TMPRSS4: variants seen among roughly 807,000 people sequenced by gnomAD.
TMPRSS4 encodes the protein transmembrane serine protease 4, also known as transmembrane protease serine 4.
TMPRSS4 carries 45 observed loss-of-function variants against 56.4 expected under a neutral mutation model. That is an observed-to-expected ratio of 0.80 (90% CI 0.63 to 1.02). The LOEUF is 1.02. Ranked by LOEUF, TMPRSS4 falls within the 50% of genes least tolerant of loss-of-function variation. The probability of loss-of-function intolerance (pLI) is 0.00; values close to 1 mark genes in which losing one functional copy is unlikely to be tolerated. For synonymous variants in TMPRSS4, 205 were observed against 211.0 expected (o/e 0.97, Z 0.25); for missense variants, 546 against 556.7 (o/e 0.98, Z 0.19).
chr11:118,080,922 T>TTCCC (rs1945077436), intron 1 of TMPRSS4, among the ~76,000 whole-genome samples: 1 of 152,204 alleles, frequency 6.6e-6, no homozygotes, highest in Non-Finnish European at 1.5e-5. Flanking sequence ...CAAGCAAGGA[T>TTCCC]TCCCTGGGAC....
chr11:118,118,406 G>A lies in TMPRSS4; in HGVS notation c.*493G>A, dbSNP rs1591417712. ...ACTACCGTTACCTACTGTTGTCATT[G>A]TTATTACAGCTATGGCCACTATTAT... On this transcript the variant is annotated 3_prime_UTR_variant, in exon 13 of 13. Transcript: ENST00000437212. The A allele has an allele frequency of 9.1e-6, 9 of 993,560 alleles. No individual in the cohort carries two copies. In the South Asian group the frequency reaches 3.7e-4, roughly 41 times the overall value. 61.5% of individuals were successfully genotyped at this position (993,560 alleles called of 1,614,324 possible).
intron 6 of TMPRSS4, chr11:118,108,105 T>C: frequency 1.9e-6 from 1 of 518,418 alleles, no homozygotes; most frequent in Non-Finnish European, 3.5e-6. Flanking sequence ...ACAAAGTGTG[T>C]TGTCCTACTC....
Position 118,114,908 on chromosome 11 carries a change from C to T in TMPRSS4, c.990C>T (p.Gly330=), listed in dbSNP as rs368846716. The T allele has an allele frequency of 6.2e-7, 1 of 1,604,082 alleles. No homozygotes were observed. The highest frequency in any genetic ancestry group is 2.2e-5 in the East Asian group (1 of 44,776). Residue 330 remains glycine (G), a synonymous_variant, in exon 10 of 13, where the codon GGC becomes GGT. Transcript: ENST00000437212. ...CCCCACTCTGGATCATTGGATGGGG[C>T]TTTACGAAGCAGAATGGAGGTAAGT... ...PATPLWIIGW[G]FTKQNGGKMS...
chr11:118,105,502 GA>G (rs1269536257), intron 5 of TMPRSS4: 1 of 152,108 alleles, frequency 6.6e-6, no homozygotes, highest in Non-Finnish European at 1.5e-5. Context: ...TACTAGCTGG[GA>G]GGTAGAGGGC....
intron 1 of TMPRSS4, among the ~76,000 whole-genome samples, chr11:118,078,108 T>TTTTAC (rs1944832129): frequency 6.6e-6 from 1 of 151,622 alleles, no homozygotes; most frequent in African/African-American, 2.4e-5. Flanking sequence ...TGTGGTCATC[T>TTTTAC]TTTACTTGGT....
rs780924915 is a variant in TMPRSS4, at chr11:118,103,132, C to T, written c.189C>T (p.Leu63=). The T allele has an allele frequency of 5.6e-6, 9 of 1,614,232 alleles. No homozygotes were observed. ...IKVILDKYYF[L]CGQPLHFIPR... ...TGATTCTGGATAAATACTACTTCCT[C>T]TGCGGGCAGCCTCTCCACTTCATCC... Residue 63 remains leucine (L), a synonymous_variant, in exon 4 of 13, where the codon CTC becomes CTT. Coordinates refer to ENST00000437212, the MANE Select transcript of TMPRSS4 (RefSeq NM_019894.4).
Position 118,117,966 on chromosome 11 carries a change from C to G in TMPRSS4, c.*53C>G, listed in dbSNP as rs1947649853. On this transcript the variant is annotated 3_prime_UTR_variant, in exon 13 of 13. Coordinates refer to ENST00000437212, the MANE Select transcript of TMPRSS4 (RefSeq NM_019894.4). ...GCCGCTTCCTTCCTGCCCTGCCCAC[C>G]TGGGGATCCCCCAAAGTCAGACACA... The G allele has an allele frequency of 2.5e-6, 4 of 1,611,928 alleles. No homozygotes were observed. The highest frequency in any genetic ancestry group is 3.4e-6 in the Non-Finnish European group (4 of 1,179,968).
At chr11:118,081,676 G>A (rs563420703) in intron 1 of TMPRSS4, among the ~76,000 whole-genome samples, 2 of 152,348 alleles carry the variant, frequency 1.3e-5, no homozygotes, top group South Asian at 2.1e-4. Context: ...GCTGGGCGTC[G>A]CCCGCTGGTG....
chr11:118,106,275 A>G (rs1232479065), intron 5 of TMPRSS4: 1 of 152,194 alleles, frequency 6.6e-6, no homozygotes, highest in Non-Finnish European at 1.5e-5. Flanking sequence ...CTTGTGCTTC[A>G]CAAAATCAAA....
chr11:118,111,968 C>T, intron 8 of TMPRSS4, 68 bp downstream of exon 8: 2 of 1,562,210 alleles, frequency 1.3e-6, no homozygotes, highest in Non-Finnish European at 8.6e-7. Flanking sequence ...GCTTGGGGTC[C>T]TGTCTCCTGG....
At chr11:118,096,822 AGAGAGAAAGAAAGAAGGAAAGAAG>A (rs1360479949) in intron 2 of TMPRSS4, among the ~76,000 whole-genome samples, 1 of 13,648 alleles carries the variant, frequency 7.3e-5, no homozygotes, top group African/African-American at 2.4e-4. Context: ...AAAGAAAGAA[AGAGAGAAAGAAAGAAGGAAAGAAG>A]GAAAGAAAGA....
At chr11:118,124,481 G>A (rs973867586), downstream of TMPRSS4, among the ~76,000 whole-genome samples, 2 of 152,216 alleles carry the variant, frequency 1.3e-5, no homozygotes, top group East Asian at 3.8e-4. Context: ...GTCAATGAGT[G>A]TGAAATCTAG....
intron 2 of TMPRSS4, among the ~76,000 whole-genome samples, chr11:118,096,381 C>T (rs771650717): frequency 6.6e-6 from 1 of 152,174 alleles, no homozygotes; most frequent in Non-Finnish European, 1.5e-5. Context: ...TCATTGGGCG[C>T]CAATCTCTAG....
downstream of TMPRSS4, among the ~76,000 whole-genome samples, chr11:118,124,858 C>G (rs1008415667): frequency 1.3e-5 from 2 of 152,228 alleles, no homozygotes; most frequent in African/African-American, 4.8e-5. Flanking sequence ...AGCACCAGGC[C>G]TAGCTTTGCT....
At position 118,077,401 on chromosome 11, in the gene TMPRSS4, CT is replaced by C. The variant is rs1944738645; in HGVS notation, c.3+97del. On this transcript the variant is annotated intron_variant, in intron 1 of 12. Transcript: ENST00000437212. ...CCTGAGCATCCATCAGCTGAGAATT[CT>C]GTGACACCTTCTAGGTTAAAAAAAG... 5 of 1,397,634 alleles carry C rather than the reference CT, an allele frequency of 3.6e-6. No homozygotes were observed. The Admixed American group carries it at 9.9e-5, about 28-fold the overall frequency. The allele number at this position is 1,397,634 out of a possible 1,614,324, so 86.6% of individuals were successfully genotyped here.
rs1482872698 is a variant in TMPRSS4 at position 118,080,391 on chromosome 11, G to A, written c.3+3086G>A. Among the ~76,000 whole-genome samples, 6 of 152,160 alleles carry A rather than the reference G, an allele frequency of 3.9e-5. 1 individual carries two copies. The South Asian group carries it at 6.2e-4, about 16-fold the overall frequency. Reference sequence around the variant, plus strand: ...TCGCTGTGGCTGGAGCAAAGACTCCGGCACTCCAGGTCATGGGAGCTGCAC... The same window carrying A: ...TCGCTGTGGCTGGAGCAAAGACTCCAGCACTCCAGGTCATGGGAGCTGCAC... On this transcript the variant is annotated intron_variant, in intron 1 of 12. Coordinates refer to ENST00000437212, the MANE Select transcript of TMPRSS4 (RefSeq NM_019894.4).
intron 1 of TMPRSS4, among the ~76,000 whole-genome samples, chr11:118,090,037 G>T (rs1412676985): frequency 1.3e-5 from 2 of 152,056 alleles, no homozygotes; most frequent in African/African-American, 4.8e-5. Context: ...TAGAGACAGG[G>T]TTTCACCATG....
chr11:118,099,984 T>TTA (rs1451375453), intron 3 of TMPRSS4, among the ~76,000 whole-genome samples: 2 of 152,108 alleles, frequency 1.3e-5, no homozygotes, highest in African/African-American at 2.4e-5. Flanking sequence ...GTTGCCTTTG[T>TTA]TATCCACATG....
At chr11:118,117,271 C>T (rs376383777) in intron 11 of TMPRSS4, 34 bp from the exon 12 acceptor site, 2 of 1,612,572 alleles carry the variant, frequency 1.2e-6, no homozygotes, top group African/African-American at 1.3e-5. Context: ...CCTCACCTGC[C>T]CTCCCCAGCA....
Sources: gnomAD v4.1 joint callset for allele counts (sites outside exome capture counted in the v4.1 genomes callset) on GRCh38, gnomAD v4.1.1 for gene constraint, MANE v1.5 for transcripts, NCBI Gene and HGNC (gene_info 2026-07-23, HGNC 2026-07-21) for gene names.